The following DZIP1L variants were observed in gnomAD, a reference collection of about 807,000 sequenced individuals.
The protein encoded by DZIP1L is DAZ interacting zinc finger protein 1 like.
In DZIP1L, 90 loss-of-function variants were observed where a neutral mutation model predicts 88.7. The observed-to-expected ratio is 1.02, with a 90% CI of 0.86 to 1.21. The LOEUF (loss-of-function observed/expected upper bound fraction) is 1.21. Ranked by LOEUF, DZIP1L falls within the 50% of genes most tolerant of loss-of-function variation. The pLI is 0.00. For missense variants in DZIP1L, 932 were observed against 955.8 expected, an observed-to-expected ratio of 0.98 and a Z score of 0.33; for synonymous variants, 363 against 372.1, an observed-to-expected ratio of 0.98 and a Z score of 0.28.
Position 138,104,601 on chromosome 3 carries a change from G to A in DZIP1L, c.-81-549C>T, listed in dbSNP as rs114017243. Reference sequence around the variant, plus strand: ...ACTACAGGATTCTAATGGAACACGAGTGAACTACCTTTCCCAGCTTCTCCA... The same window carrying A: ...ACTACAGGATTCTAATGGAACACGAATGAACTACCTTTCCCAGCTTCTCCA... On this transcript the variant is annotated intron_variant, in intron 1 of 15. Transcript: ENST00000327532. Among the ~76,000 whole-genome samples, 1,108 of 152,328 alleles carry A rather than the reference G, an allele frequency of 7.3e-3. 18 individuals are homozygous for A. Among genetic ancestry groups the A allele is most frequent in the African/African-American group, 0.025 (1,059 of 41,578 alleles).
At chr3:138,080,101 C>A (rs547879) in intron 10 of DZIP1L, among the ~76,000 whole-genome samples, 151,018 of 152,280 alleles carry the variant, frequency 0.99, 74,898 homozygotes, top group Middle Eastern at 1. Context: ...AATGCTCTGA[C>A]AAGGGAGCCG....
At chr3:138,101,608 C>T in intron 2 of DZIP1L, 1 of 797,724 alleles carries the variant, frequency 1.3e-6, no homozygotes, top group South Asian at 1.3e-5. Context: ...AGAGCCAAAG[C>T]TGGAGCCCAG....
At chr3:138,106,305 A>AT (rs1455407396) in intron 1 of DZIP1L, among the ~76,000 whole-genome samples, 1 of 149,982 alleles carries the variant, frequency 6.7e-6, no homozygotes, top group Non-Finnish European at 1.5e-5. Context: ...CACCTGGCTA[A>AT]TTTTTTGTAT....
chr3:138,084,110 T>C lies in DZIP1L; in HGVS notation c.1203+3A>G. The C allele has an allele frequency of 3.1e-6, 5 of 1,613,438 alleles. No individual in the cohort carries two copies. Among genetic ancestry groups the C allele is most frequent in the Non-Finnish European group, 4.2e-6 (5 of 1,179,648 alleles). On this transcript the variant is annotated splice_donor_region_variant and intron_variant, in intron 8 of 15. Transcript: ENST00000327532. ...GCCTGGCTGAAAGGAAGGGCAGACC[T>C]ACCATCTCCTCCTGGGAGGCAATGA... is the stretch of plus-strand genomic sequence containing the variant.
chr3:138,088,446 TC>T lies in DZIP1L; in HGVS notation c.931del (p.Glu311ArgfsTer16), dbSNP rs781364113. ...MESKLGSLRD[E>X]ESEEWLRQAR... is the part of the protein sequence containing the mutation. ...CTGCCGAAGCCACTCCTCTGACTCC[TC>T]ATCTCGCAGTGATCCCAGCTTGGAC... On this transcript the variant is annotated frameshift_variant, in exon 6 of 16. Transcript: ENST00000327532. LOFTEE classifies it high-confidence loss of function. 6.2e-7 allele frequency: 1 copy of T among 1,614,050 alleles called. No homozygotes were observed. The highest frequency in any genetic ancestry group is 1.7e-5 in the Admixed American group (1 of 60,006).
intron 5 of DZIP1L, chr3:138,088,895 G>A (rs925152315): frequency 1.2e-5 from 12 of 987,440 alleles, no homozygotes; most frequent in Non-Finnish European, 1.4e-5. Flanking sequence ...ACTCCCTGAG[G>A]ACTCCTGCCT....
chr3:138,110,904 G>A (rs986990064), intron 1 of DZIP1L, among the ~76,000 whole-genome samples: 1 of 152,246 alleles, frequency 6.6e-6, no homozygotes, highest in South Asian at 2.1e-4. Context: ...CACACAACTA[G>A]TAAGTGATAG....
rs56146259 is a variant in DZIP1L, at chr3:138,106,127, C to CTTT, written c.-81-2078_-81-2076dup. Among the ~76,000 whole-genome samples the CTTT allele has an allele frequency of 6.8e-3, 440 of 64,596 alleles. 1 individual carries two copies. The highest frequency in any genetic ancestry group is 9.6e-3 in the East Asian group (18 of 1,880). The allele number at this position is 64,596 out of a possible 152,430, so 42.4% of individuals were successfully genotyped here. A position where few individuals can be genotyped will look rare whatever the true frequency, so the allele number is the denominator to read the frequency against. ...GAGATTACATGATTCAGTCTTCTTTCTTTTTTTTTTTTTTTTTTTTTTTTT... is the reference window on the plus strand; with the variant it reads ...GAGATTACATGATTCAGTCTTCTTTCTTTTTTTTTTTTTTTTTTTTTTTTTTTT... On this transcript the variant is annotated intron_variant, in intron 1 of 15. Coordinates refer to ENST00000327532, the MANE Select transcript of DZIP1L (RefSeq NM_173543.3).
intron 11 of DZIP1L, among the ~76,000 whole-genome samples, chr3:138,077,153 G>T (rs192939051): frequency 6.6e-6 from 1 of 152,170 alleles, no homozygotes; most frequent in South Asian, 2.1e-4. Context: ...CCCAAGGGGG[G>T]ACCTATCCAC....
intron 2 of DZIP1L, among the ~76,000 whole-genome samples, chr3:138,099,881 T>C (rs867883411): frequency 6.6e-6 from 1 of 152,210 alleles, no homozygotes; most frequent in South Asian, 2.1e-4. Context: ...AAATAACCTC[T>C]TTTCTTTATA....
Position 138,092,476 on chromosome 3 carries a change from C to G in DZIP1L, c.777G>C (p.Glu259Asp). The G allele has an allele frequency of 1.2e-6, 2 of 1,604,690 alleles. No individual in the cohort carries two copies. Among genetic ancestry groups the G allele is most frequent in the Non-Finnish European group, 8.5e-7 (1 of 1,177,018 alleles). Residue 259 changes from glutamate to aspartate, a missense_variant, in exon 5 of 16, where the codon GAG becomes GAC. By Grantham distance (45) the Glu-to-Asp change is conservative. Transcript: ENST00000327532. ...CTATTTCCCCATAAAGTTTGGTCCA[C>G]TCTTGCTCTTTCCATTTATCAAATT... is the stretch of plus-strand genomic sequence containing the variant. The part of the protein sequence containing the change: ...KKEFDKWKEQ[E>D]WTKLYGEIDK...
intron 11 of DZIP1L, 76 bp from the exon 12 acceptor site, chr3:138,071,911 T>A: frequency 2.1e-6 from 3 of 1,409,802 alleles, no homozygotes; most frequent in Non-Finnish European, 2.9e-6. Flanking sequence ...TCACACCTGC[T>A]GCTGCTGGCC....
At chr3:138,082,079 A>G (rs1481805287) in intron 8 of DZIP1L, among the ~76,000 whole-genome samples, 1 of 152,222 alleles carries the variant, frequency 6.6e-6, no homozygotes, top group Non-Finnish European at 1.5e-5. Context: ...AGTTGTTCCT[A>G]TTGGTATAAT....
chr3:138,066,932 C>T (rs1029676028), intron 14 of DZIP1L, among the ~76,000 whole-genome samples: 2 of 152,164 alleles, frequency 1.3e-5, no homozygotes, highest in Non-Finnish European at 2.9e-5. Flanking sequence ...CTCGGACCCT[C>T]CCCGCCCCTG....
At chr3:138,070,135 C>T (rs1446482448) in intron 12 of DZIP1L, among the ~76,000 whole-genome samples, 1 of 152,100 alleles carries the variant, frequency 6.6e-6, no homozygotes, top group Non-Finnish European at 1.5e-5. Context: ...TCCCCAAGTC[C>T]CTGTCCCCTC....
chr3:138,096,360 G>A (rs919957663), intron 3 of DZIP1L, among the ~76,000 whole-genome samples: 1 of 152,106 alleles, frequency 6.6e-6, no homozygotes, highest in African/African-American at 2.4e-5. Flanking sequence ...AAATGTTGGG[G>A]TAAGCCATAT....
intron 5 of DZIP1L, among the ~76,000 whole-genome samples, chr3:138,091,172 T>C (rs1028739720): frequency 4.6e-5 from 7 of 151,748 alleles, no homozygotes; most frequent in Non-Finnish European, 8.8e-5. Flanking sequence ...GGGATAACTT[T>C]AATAAGGTTA....
intron 2 of DZIP1L, chr3:138,102,552 G>A: frequency 7.1e-7 from 1 of 1,405,542 alleles, no homozygotes; most frequent in Admixed American, 1.7e-5. Flanking sequence ...GGAGGCTCCA[G>A]TTGGTCTCCA....
At chr3:138,078,770 G>A (rs951064243) in intron 10 of DZIP1L, among the ~76,000 whole-genome samples, 4 of 152,194 alleles carry the variant, frequency 2.6e-5, no homozygotes, top group Non-Finnish European at 5.9e-5. Flanking sequence ...ACCAGGACAT[G>A]AGCCTCAACC....
Sources: allele counts gnomAD v4.1 joint callset (sites outside exome capture counted in the v4.1 genomes callset), GRCh38; gene constraint gnomAD v4.1.1; transcripts MANE v1.5; gene names NCBI Gene and HGNC (gene_info 2026-07-23, HGNC 2026-07-21).